Variants in THBD observed in about 807,000 individuals in gnomAD.
The protein encoded by THBD is thrombomodulin.
For missense variants in THBD, 850 were observed against 816.9 expected (o/e 1.04, Z -0.49); for synonymous variants, 449 against 374.2 (o/e 1.20, Z -2.31).
chr20:23,048,704 G>A lies in THBD; in HGVS notation c.801C>T (p.Cys267=), dbSNP rs1189854746. The A allele has an allele frequency of 1.9e-6, 3 of 1,582,378 alleles. No homozygotes were observed. The highest frequency in any genetic ancestry group is 2.6e-6 in the Non-Finnish European group (3 of 1,171,808). ...NAIPGAPRCQ[C]PAGAALQADG... ...CTGCCTGCAGGGCGGCGCCGGCTGG[G>A]CACTGGCAGCGGGGAGCCCCAGGGA... The change falls in exon 1 of 1, where the codon TGC becomes TGT. Residue 267 remains cysteine (C), a synonymous_variant. Transcript: ENST00000377103.
chr20:23,049,238 G>A lies in THBD; in HGVS notation c.267C>T (p.Gly89=), dbSNP rs944415511. 9 of 1,555,882 alleles carry A rather than the reference G, an allele frequency of 5.8e-6. No homozygotes were observed. The Admixed American group carries it at 9.8e-5, about 17-fold the overall frequency. The change falls in exon 1 of 1, where the codon GGC becomes GGT. Residue 89 remains glycine (G), a synonymous_variant. Transcript: ENST00000377103. ...CGCCGCAGCCGGGTGGCAGCTGCAG[G>A]CCGATCCAGAGGCGCCGGCGGCCAA... ...GGVGRRRLWI[G]LQLPPGCGDP...
rs202143136 is a variant in THBD, at chr20:23,047,792, C to A, written c.1713G>T (p.Thr571=). ...VVLQHVRTER[T]PQRL is the part of the protein sequence containing the mutation. ...CGGAGGCCGCTCAGAGTCTCTGCGGCGTCCGCTCGGTCCGCACGTGCTGCA... is the reference window on the plus strand; with the variant it reads ...CGGAGGCCGCTCAGAGTCTCTGCGGAGTCCGCTCGGTCCGCACGTGCTGCA... Residue 571 remains threonine, a synonymous_variant, in exon 1 of 1, where the codon ACG becomes ACT. Transcript: ENST00000377103. 6.3e-7 allele frequency: 1 copy of A among 1,588,078 alleles called. No homozygotes were observed. The highest frequency in any genetic ancestry group is 8.6e-7 in the Non-Finnish European group (1 of 1,168,372).
At position 23,047,856 on chromosome 20, in the gene THBD, A is replaced by G. The variant is rs769977984; in HGVS notation, c.1649T>C (p.Met550Thr). The G allele has an allele frequency of 2.5e-6, 4 of 1,601,434 alleles. No individual in the cohort carries two copies. The highest frequency in any genetic ancestry group is 3.4e-5 in the Admixed American group (2 of 58,078). Residue 550 changes from methionine (M) to threonine (T), a missense_variant, in exon 1 of 1, where the codon ATG (methionine) becomes ACG (threonine). Physicochemically the swap from Met to Thr is moderately conservative, Grantham distance 81. Transcript: ENST00000377103. ...GGAAGGGGCCGCGCACTTGTACTCC[A>G]TCTTGGCCCTGGCGGCGCCCTGCTT... ...RKKQGAARAK[M>T]EYKCAAPSKE...
rs1416023125 is a variant in THBD at position 23,046,660 on chromosome 20, G to T, written c.*1117C>A. On this transcript the variant is annotated 3_prime_UTR_variant, in exon 1 of 1. Transcript: ENST00000377103. ...CCAATTCCACAAGACCAGTAGAGCT[G>T]GTTTTATTTTGGTCTACCAGTGACA... 6.6e-6 allele frequency: 1 copy of T among 152,170 alleles called. No individual in the cohort carries two copies. Among genetic ancestry groups the T allele is most frequent in the Non-Finnish European group, 1.5e-5 (1 of 68,046 alleles). The allele number at this position is 152,170 out of a possible 1,614,324, so 9.4% of individuals were successfully genotyped here. A position where few individuals can be genotyped will look rare whatever the true frequency, so the allele number is the denominator to read the frequency against.
Position 23,049,004 on chromosome 20 carries a change from G to A in THBD, c.501C>T (p.Cys167=). ...QCEVKADGFL[C]EFHFPATCRP... Reference sequence around the variant, plus strand: ...TGCAGGTGGCTGGGAAGTGGAACTCGCAGAGGAAGCCATCGGCCTTCACTT... The same window carrying A: ...TGCAGGTGGCTGGGAAGTGGAACTCACAGAGGAAGCCATCGGCCTTCACTT... The change falls in exon 1 of 1, where the codon TGC becomes TGT. Residue 167 remains cysteine, a synonymous_variant. Coordinates refer to ENST00000377103, the MANE Select transcript of THBD (RefSeq NM_000361.3). 1 of 1,571,550 alleles carries A rather than the reference G, an allele frequency of 6.4e-7. No individual in the cohort carries two copies. The highest frequency in any genetic ancestry group is 1.2e-5 in the South Asian group (1 of 86,488).
chr20:23,049,324 T>C lies in THBD; in HGVS notation c.181A>G (p.Thr61Ala). ...ICDGLRGHLMTVRSSVAADVI... is the reference protein window; with the variant it reads ...ICDGLRGHLMAVRSSVAADVI... The stretch of plus-strand genomic sequence containing the variant: ...TCGGCAGCCACCGAGGAGCGCACTG[T>C]CATTAGGTGGCCCCGCAGTCCGTCG... Residue 61 changes from threonine (T) to alanine (A), a missense_variant, in exon 1 of 1, where the codon ACA becomes GCA. Physicochemically the swap from Thr to Ala is moderately conservative, Grantham distance 58 (BLOSUM62 0). Transcript: ENST00000377103. 1 of 1,599,282 alleles carries C rather than the reference T, an allele frequency of 6.3e-7. No homozygotes were observed. Among genetic ancestry groups the C allele is most frequent in the Non-Finnish European group, 8.5e-7 (1 of 1,174,420 alleles).
Position 23,049,462 on chromosome 20 carries a change from G to T in THBD, c.43C>A (p.Leu15Met). 1 of 1,547,468 alleles carries T rather than the reference G, an allele frequency of 6.5e-7. No homozygotes were observed. The highest frequency in any genetic ancestry group is 8.7e-7 in the Non-Finnish European group (1 of 1,147,218). The stretch of plus-strand genomic sequence containing the variant: ...GGCTCTGCGGGTGCGGGGAACCCCA[G>T]GCCGGCCAGGGCCAGCGCGCCAAGG... Reference protein sequence around the residue: ...LVLGALALAGLGFPAPAEPQP... With the variant: ...LVLGALALAGMGFPAPAEPQP... Residue 15 changes from leucine to methionine, a missense_variant, in exon 1 of 1, where the codon CTG becomes ATG. Physicochemically the swap from Leu to Met is conservative, Grantham distance 15 (BLOSUM62 2). Coordinates refer to ENST00000377103, the MANE Select transcript of THBD (RefSeq NM_000361.3).
rs1416721648 is a variant in THBD, at chr20:23,047,837, G to A, written c.1668C>T (p.Ala556=). Reference sequence around the variant, plus strand: ...GCTGCAGCACTACCTCCTTGGAAGGGGCCGCGCACTTGTACTCCATCTTGG... The same window carrying A: ...GCTGCAGCACTACCTCCTTGGAAGGAGCCGCGCACTTGTACTCCATCTTGG... ...ARAKMEYKCA[A]PSKEVVLQHV... is the part of the protein sequence containing the mutation. Residue 556 remains alanine (A), a synonymous_variant, in exon 1 of 1, where the codon GCC becomes GCT. Transcript: ENST00000377103. The A allele has an allele frequency of 1.3e-6, 2 of 1,599,640 alleles. No individual in the cohort carries two copies. Among genetic ancestry groups the A allele is most frequent in the South Asian group, 1.1e-5 (1 of 88,702 alleles).
In THBD at chr20:23,047,495, GC is replaced by G. The variant is rs1360723249; in HGVS notation, c.*281del. The G allele has an allele frequency of 5.8e-6, 3 of 518,096 alleles. No homozygotes were observed. The highest frequency in any genetic ancestry group is 1.0e-5 in the Non-Finnish European group (3 of 292,746). The allele number at this position is 518,096 out of a possible 1,614,324, so 32.1% of individuals were successfully genotyped here. On this transcript the variant is annotated 3_prime_UTR_variant, in exon 1 of 1. Transcript: ENST00000377103. ...GCCGACCAATAACGCTCACCCTCCT[GC>G]GCCCGGTAGTGAGGACCTGGGACAA...
At position 23,046,784 on chromosome 20, in the gene THBD, G is replaced by C. The variant is rs1254488680; in HGVS notation, c.*993C>G. The C allele has an allele frequency of 1.3e-5, 2 of 152,182 alleles. No individual in the cohort carries two copies. The highest frequency in any genetic ancestry group is 6.5e-5 in the Admixed American group (1 of 15,284). 9.4% of individuals were successfully genotyped at this position (152,182 alleles called of 1,614,324 possible). On this transcript the variant is annotated 3_prime_UTR_variant, in exon 1 of 1. Transcript: ENST00000377103. ...GGTGTTTGTCTCTTCTCTCAATCTA[G>C]AGCAACCTTCTGAACATTTTCAACA...
Position 23,049,532 on chromosome 20 carries a change from C to A in THBD, c.-28G>T. 1 of 1,532,878 alleles carries A rather than the reference C, an allele frequency of 6.5e-7. No individual in the cohort carries two copies. The allele number at this position is 1,532,878 out of a possible 1,614,324, so 95.0% of individuals were successfully genotyped here. ...TACCCAGGCGCGCCGCGTGCAGGCGCCGGGGAAAGCGCGGGCACTGCGACA... is the reference window on the plus strand; with the variant it reads ...TACCCAGGCGCGCCGCGTGCAGGCGACGGGGAAAGCGCGGGCACTGCGACA... On this transcript the variant is annotated 5_prime_UTR_variant, in exon 1 of 1. Transcript: ENST00000377103.
Position 23,048,610 on chromosome 20 carries a change from T to C in THBD, c.895A>G (p.Asn299Asp). The change falls in exon 1 of 1, where the codon AAC becomes GAC. Residue 299 changes from asparagine (N) to aspartate (D), a missense_variant. Asn to Asp is a conservative substitution (Grantham distance 23, BLOSUM62 1). Coordinates refer to ENST00000377103, the MANE Select transcript of THBD (RefSeq NM_000361.3). ...GAGTAGGAGCCCGGCTGGTCGGGGTTGGGAACGCAGAAGTGCTCGCAGAGG... is the reference window on the plus strand; with the variant it reads ...GAGTAGGAGCCCGGCTGGTCGGGGTCGGGAACGCAGAAGTGCTCGCAGAGG... ...NDLCEHFCVP[N>D]PDQPGSYSCM... 6.3e-7 allele frequency: 1 copy of C among 1,598,440 alleles called. No homozygotes were observed. Among genetic ancestry groups the C allele is most frequent in the Non-Finnish European group, 8.5e-7 (1 of 1,179,504 alleles).
rs1984569821 is a variant in THBD, at chr20:23,046,371, A to T, written c.*1406T>A. The T allele has an allele frequency of 6.6e-6, 1 of 152,228 alleles. No individual in the cohort carries two copies. Among genetic ancestry groups the T allele is most frequent in the South Asian group, 2.1e-4 (1 of 4,828 alleles). 9.4% of individuals were successfully genotyped at this position (152,228 alleles called of 1,614,324 possible). Reference sequence around the variant, plus strand: ...ATCTATATTTCATGTATTCCAGAAAATTGGAAGCAGTCTGGAATGGTTGTC... The same window carrying T: ...ATCTATATTTCATGTATTCCAGAAATTTGGAAGCAGTCTGGAATGGTTGTC... On this transcript the variant is annotated 3_prime_UTR_variant, in exon 1 of 1. Coordinates refer to ENST00000377103, the MANE Select transcript of THBD (RefSeq NM_000361.3).
At position 23,047,934 on chromosome 20, in the gene THBD, G is replaced by C; in HGVS notation, c.1571C>G (p.Ala524Gly). The change falls in exon 1 of 1, where the codon GCG becomes GGG. Residue 524 changes from alanine (A) to glycine (G), a missense_variant. Coordinates refer to ENST00000377103, the MANE Select transcript of THBD (RefSeq NM_000361.3). ...AAGCGCCACCACCAGGCACAGGCTC[G>C]CGATGGAGATGCCTATGAGCAAGCC... ...HSGLLIGISI[A>G]SLCLVVALLA... 1 of 1,609,652 alleles carries C rather than the reference G, an allele frequency of 6.2e-7. No homozygotes were observed. Among genetic ancestry groups the C allele is most frequent in the South Asian group, 1.1e-5 (1 of 90,464 alleles).
rs1984616809 is a variant in THBD at position 23,047,912 on chromosome 20, C to T, written c.1593G>A (p.Ala531=). ...ISIASLCLVV[A]LLALLCHLRK... is the part of the protein sequence containing the mutation. ...GCAGGTGGCAGAGGAGCGCCAAAAGCGCCACCACCAGGCACAGGCTCGCGA... is the reference window on the plus strand; with the variant it reads ...GCAGGTGGCAGAGGAGCGCCAAAAGTGCCACCACCAGGCACAGGCTCGCGA... The change falls in exon 1 of 1, where the codon GCG becomes GCA. Residue 531 remains alanine (A), a synonymous_variant. Transcript: ENST00000377103. 1 of 1,609,558 alleles carries T rather than the reference C, an allele frequency of 6.2e-7. No homozygotes were observed. The highest frequency in any genetic ancestry group is 1.7e-5 in the Admixed American group (1 of 59,404).
Position 23,048,023 on chromosome 20 carries a change from C to T in THBD, c.1482G>A (p.Glu494=). ...AGCCGGGCGTCGGGCTGGGCGGGGG[C>T]TCGCCAGAGCCGCTGTCGCCACCGT... The part of the protein sequence containing the change: ...KVDGGDSGSG[E]PPPSPTPGST... The change falls in exon 1 of 1, where the codon GAG becomes GAA. Residue 494 remains glutamate, a synonymous_variant. Coordinates refer to ENST00000377103, the MANE Select transcript of THBD (RefSeq NM_000361.3). The T allele has an allele frequency of 6.2e-7, 1 of 1,609,998 alleles. No homozygotes were observed. The highest frequency in any genetic ancestry group is 1.7e-5 in the Admixed American group (1 of 59,588).
Position 23,048,390 on chromosome 20 carries a change from G to T in THBD, c.1115C>A (p.Ala372Asp). 6.2e-7 allele frequency: 1 copy of T among 1,614,000 alleles called. No homozygotes were observed. Among genetic ancestry groups the T allele is most frequent in the South Asian group, 1.1e-5 (1 of 91,080 alleles). Residue 372 changes from alanine (A) to aspartate (D), a missense_variant, in exon 1 of 1, where the codon GCC becomes GAC. Coordinates refer to ENST00000377103, the MANE Select transcript of THBD (RefSeq NM_000361.3). ...GGGCTGGCACTGGTACTCGCAGTTGGCTCTGAAGCACGGGTCCACGGGCTC... is the reference window on the plus strand; with the variant it reads ...GGGCTGGCACTGGTACTCGCAGTTGTCTCTGAAGCACGGGTCCACGGGCTC... ...CVEPVDPCFRANCEYQCQPLN... is the reference protein window; with the variant it reads ...CVEPVDPCFRDNCEYQCQPLN...
rs41348347 is a variant in THBD, at chr20:23,048,049, C to A, written c.1456G>T (p.Asp486Tyr). 2.0e-3 allele frequency: 3,259 copies of A among 1,612,354 alleles called. 79 individuals carry two copies. The Admixed American group carries it at 0.04, about 20-fold the overall frequency. Residue 486 changes from aspartate (D) to tyrosine (Y), a missense_variant, in exon 1 of 1, where the codon GAC becomes TAC. Asp to Tyr is a radical substitution (Grantham distance 160). Transcript: ENST00000377103. Reference protein sequence around the residue: ...IGTDCDSGKVDGGDSGSGEPP... With the variant: ...IGTDCDSGKVYGGDSGSGEPP... ...TCGCCAGAGCCGCTGTCGCCACCGT[C>A]CACCTTGCCGGAGTCACAGTCGGTG...
rs779500006 is a variant in THBD at position 23,048,191 on chromosome 20, G to A, written c.1314C>T (p.Ile438=). 1.4e-5 allele frequency: 23 copies of A among 1,614,076 alleles called. No homozygotes were observed. In the South Asian group the frequency reaches 2.5e-4, roughly 18 times the overall value. ...TTTCGCACTCGTCGATGTCCGTGCA[G>A]ATGAAACCGTCGTCCAGGATGTAGC... ...PEGYILDDGF[I]CTDIDECENG... The change falls in exon 1 of 1, where the codon ATC becomes ATT. Residue 438 remains isoleucine, a synonymous_variant. Transcript: ENST00000377103.
Sources: allele counts gnomAD v4.1 joint callset, GRCh38; gene constraint gnomAD v4.1.1; transcripts MANE v1.5; gene names NCBI Gene and HGNC (gene_info 2026-07-23, HGNC 2026-07-21).